The following ZDHHC11 variants were observed in gnomAD, a reference collection of about 807,000 sequenced individuals.
ZDHHC11 encodes zDHHC palmitoyltransferase 11.
Under a neutral mutation model 51.3 loss-of-function variants are expected in ZDHHC11, and 44 were observed. The ratio of observed to expected loss-of-function variants is 0.86; its 90% CI spans 0.67 to 1.10. The LOEUF (loss-of-function observed/expected upper bound fraction) is 1.10, where lower values mean the gene tolerates loss of function less well. Ranked by LOEUF, ZDHHC11 falls within the 50% of genes least tolerant of loss-of-function variation. The pLI, the probability that ZDHHC11 is intolerant of heterozygous loss-of-function variation, is 0.00. For missense variants in ZDHHC11, 400 were observed against 537.7 expected (o/e 0.74, Z 2.53); for synonymous variants, 163 against 222.0 (o/e 0.73, Z 2.36).
intron 1 of ZDHHC11, among the ~76,000 whole-genome samples, chr5:856,209 CACAG>C (rs1368544939): frequency 1.3e-5 from 2 of 149,834 alleles, no homozygotes; most frequent in Non-Finnish European, 3.0e-5. Flanking sequence ...CACCACACAA[CACAG>C]ACCACACTGA....
At chr5:845,157 A>G (rs867955143) in intron 3 of ZDHHC11, among the ~76,000 whole-genome samples, 3,451 of 147,600 alleles carry the variant, frequency 0.023, 4 homozygotes, top group African/African-American at 0.083. Flanking sequence ...GGGTGGCTCC[A>G]GGCATGAGCG....
In ZDHHC11 at chr5:844,928, C is replaced by T. The variant is rs566219488; in HGVS notation, c.504-1204G>A. Among the ~76,000 whole-genome samples, 4 of 152,424 alleles carry T rather than the reference C, an allele frequency of 2.6e-5. No individual in the cohort carries two copies. In the East Asian group the frequency reaches 5.8e-4, roughly 22 times the overall value. The stretch of plus-strand genomic sequence containing the variant: ...TTTGACTAAACCATCTTCCCTTGGT[C>T]TTTCTGCCATGATGATATTTTTTTA... On this transcript the variant is annotated intron_variant, in intron 3 of 12. Transcript: ENST00000283441.
intron 1 of ZDHHC11, among the ~76,000 whole-genome samples, chr5:849,003 T>TG (rs1329882311): frequency 6.6e-6 from 1 of 151,110 alleles, no homozygotes; most frequent in African/African-American, 2.4e-5. Flanking sequence ...CACATGGCCC[T>TG]GCTCATCCAG....
intron 11 of ZDHHC11, among the ~76,000 whole-genome samples, chr5:807,828 TTACGG>T: frequency 6.6e-6 from 1 of 151,150 alleles, no homozygotes; most frequent in Non-Finnish European, 1.5e-5. Context: ...CAAATGCAGG[TTACGG>T]TGCCAATTAG....
chr5:820,554 T>G (rs1444178753), intron 9 of ZDHHC11, among the ~76,000 whole-genome samples: 2 of 150,992 alleles, frequency 1.3e-5, no homozygotes, highest in African/African-American at 4.9e-5. Flanking sequence ...CCGGTGTCTG[T>G]GAGGGGTGGG....
At chr5:859,592 C>G (rs1473085092), upstream of ZDHHC11, among the ~76,000 whole-genome samples, 1 of 152,210 alleles carries the variant, frequency 6.6e-6, no homozygotes, top group Non-Finnish European at 1.5e-5. Flanking sequence ...CACCGTGGCT[C>G]TCACTGACTT....
chr5:843,002 G>A (rs1194256348), intron 4 of ZDHHC11, among the ~76,000 whole-genome samples: 1 of 152,276 alleles, frequency 6.6e-6, no homozygotes, highest in Non-Finnish European at 1.5e-5. Flanking sequence ...TTAAGTCACA[G>A]CCACAGGCCC....
At chr5:801,189 A>C in intron 11 of ZDHHC11, 25 bp from the exon 12 acceptor site, 1 of 1,606,952 alleles carries the variant, frequency 6.2e-7, no homozygotes, top group Admixed American at 1.7e-5. Flanking sequence ...CAGAAAGAGA[A>C]ACAACAGAGA....
intron 1 of ZDHHC11, among the ~76,000 whole-genome samples, chr5:856,686 C>G (rs553992810): frequency 6.6e-6 from 1 of 151,562 alleles, no homozygotes; most frequent in East Asian, 1.9e-4. Flanking sequence ...TACCAGACAC[C>G]AACCACAAAC....
At chr5:838,362 C>G (rs941873671) in intron 5 of ZDHHC11, among the ~76,000 whole-genome samples, 2 of 152,094 alleles carry the variant, frequency 1.3e-5, no homozygotes, top group African/African-American at 4.8e-5. Context: ...CTCCATGCTT[C>G]TTTCCCTAAA....
At chr5:820,268 G>A (rs1163810872) in intron 9 of ZDHHC11, among the ~76,000 whole-genome samples, 2 of 151,648 alleles carry the variant, frequency 1.3e-5, no homozygotes, top group East Asian at 3.9e-4. Flanking sequence ...GATCTACACA[G>A]TAGTTTTGCC....
At chr5:858,113 C>A (rs1330618650) in intron 1 of ZDHHC11, among the ~76,000 whole-genome samples, 1 of 147,324 alleles carries the variant, frequency 6.8e-6, no homozygotes, top group Non-Finnish European at 1.5e-5. Context: ...CTGTCCTGGT[C>A]CCCGTCCTAT....
At chr5:842,829 C>T (rs1745249246) in intron 4 of ZDHHC11, among the ~76,000 whole-genome samples, 1 of 151,352 alleles carries the variant, frequency 6.6e-6, no homozygotes, top group Non-Finnish European at 1.5e-5. Flanking sequence ...TTGCCAGCTC[C>T]TGTGGCTCCC....
At chr5:805,571 A>G (rs539364087) in intron 11 of ZDHHC11, among the ~76,000 whole-genome samples, 26 of 95,108 alleles carry the variant, frequency 2.7e-4, no homozygotes, top group African/African-American at 2.2e-3. Flanking sequence ...GGAACATTAC[A>G]AACATTCAAC....
At chr5:797,932 C>T (rs1250970608) in intron 12 of ZDHHC11, among the ~76,000 whole-genome samples, 1 of 150,988 alleles carries the variant, frequency 6.6e-6, no homozygotes, top group Non-Finnish European at 1.5e-5. Context: ...TTCAGAATCA[C>T]TCTCTATTAA....
At chr5:841,074 G>T in intron 4 of ZDHHC11, 5 of 971,050 alleles carry the variant, frequency 5.1e-6, no homozygotes, top group Non-Finnish European at 6.0e-6. Flanking sequence ...CTAAGTGCCG[G>T]GGTCACAGTG....
rs559918692 is a variant in ZDHHC11 at position 815,366 on chromosome 5, T to C, written c.1147-571A>G. ...CTAGCAAAGAAAAACACCTGCTATG[T>C]GTGCACACACGTTGTTCTCAGTGCT... On this transcript the variant is annotated intron_variant, in intron 10 of 12. Transcript: ENST00000283441. Among the ~76,000 whole-genome samples, 3 of 145,984 alleles carry C rather than the reference T, an allele frequency of 2.1e-5. No homozygotes were observed. In the East Asian group the frequency reaches 6.6e-4, roughly 32 times the overall value.
upstream of ZDHHC11, among the ~76,000 whole-genome samples, chr5:855,980 C>T (rs1019259974): frequency 6.6e-6 from 1 of 151,824 alleles, no homozygotes; most frequent in Non-Finnish European, 1.5e-5. Flanking sequence ...GCACAGACCC[C>T]GCGGAGGACA....
chr5:842,951 G>T (rs1213783127), intron 4 of ZDHHC11, among the ~76,000 whole-genome samples: 3 of 152,218 alleles, frequency 2.0e-5, no homozygotes, highest in Non-Finnish European at 4.4e-5. Context: ...CTGGATTTGG[G>T]CCCCCTGGGA....
Sources: gnomAD v4.1 joint callset for allele counts (sites outside exome capture counted in the v4.1 genomes callset) on GRCh38, gnomAD v4.1.1 for gene constraint, MANE v1.5 for transcripts, NCBI Gene and HGNC (gene_info 2026-07-23, HGNC 2026-07-21) for gene names.